The following BMPR2 variants were observed in gnomAD, a reference collection of about 807,000 sequenced individuals.
BMPR2 encodes bone morphogenetic protein receptor type-2.
A neutral mutation model predicts 100.8 loss-of-function variants in BMPR2; 29 were observed. That is an observed-to-expected ratio of 0.29 (90% CI 0.21 to 0.39). The LOEUF is 0.39. Ranked by LOEUF, BMPR2 falls within the 10% of genes least tolerant of loss-of-function variation. BMPR2 has a pLI of 1.00. For missense variants in BMPR2, 1,011 were observed against 1,274.5 expected (o/e 0.79, Z 3.15); for synonymous variants, 382 against 442.3 (o/e 0.86, Z 1.71).
intron 1 of BMPR2, among the ~76,000 whole-genome samples, chr2:202,411,634 T>C (rs1435491878): frequency 1.3e-5 from 2 of 152,178 alleles, no homozygotes; most frequent in Non-Finnish European, 2.9e-5. Context: ...TGGAGTCTAG[T>C]GTAGAAACTC....
At chr2:202,471,001 T>C (rs539866499) in intron 3 of BMPR2, among the ~76,000 whole-genome samples, 176 of 152,148 alleles carry the variant, frequency 1.2e-3, no homozygotes, top group African/African-American at 4.1e-3. Context: ...CAAGGCTGCA[T>C]TGAGCTGTGA....
intron 9 of BMPR2, among the ~76,000 whole-genome samples, chr2:202,536,091 G>A (rs1688151865): frequency 6.7e-6 from 1 of 149,704 alleles, no homozygotes; most frequent in Non-Finnish European, 1.5e-5. Context: ...AGACCGTGGG[G>A]AGAGGGAGAG....
intron 1 of BMPR2, among the ~76,000 whole-genome samples, chr2:202,459,367 C>A (rs1692181860): frequency 6.6e-6 from 1 of 152,160 alleles, no homozygotes; most frequent in South Asian, 2.1e-4. Flanking sequence ...TTCAGGGGTA[C>A]ATGTGCAGGT....
intron 3 of BMPR2, among the ~76,000 whole-genome samples, chr2:202,498,454 G>A (rs1233335228): frequency 8.6e-5 from 13 of 151,794 alleles, no homozygotes; most frequent in Non-Finnish European, 1.5e-4. Context: ...ATTGGTGAGC[G>A]CAACTATTCC....
intron 1 of BMPR2, among the ~76,000 whole-genome samples, chr2:202,421,111 C>G (rs141795669): frequency 2.2e-4 from 33 of 151,746 alleles, no homozygotes; most frequent in African/African-American, 7.7e-4. Context: ...ATTAGCCGAG[C>G]ATGGTGGCAC....
intron 9 of BMPR2, among the ~76,000 whole-genome samples, chr2:202,534,285 A>C (rs1199499): frequency 0.2 from 30,524 of 149,800 alleles, 3,090 homozygotes; most frequent in South Asian, 0.29. Flanking sequence ...TTTTATTGAT[A>C]ATTCTTGGGT....
At chr2:202,517,685 A>G (rs1242253287) in intron 5 of BMPR2, among the ~76,000 whole-genome samples, 4 of 151,764 alleles carry the variant, frequency 2.6e-5, no homozygotes, top group Admixed American at 6.6e-5. Flanking sequence ...ACTCTCTTGT[A>G]TATTCACTGG....
intron 1 of BMPR2, among the ~76,000 whole-genome samples, chr2:202,399,144 CAG>C (rs887952796): frequency 6.6e-6 from 1 of 151,664 alleles, no homozygotes; most frequent in African/African-American, 2.4e-5. Flanking sequence ...AAAAAAAAGA[CAG>C]ATCATAAATA....
At position 202,563,725 on chromosome 2, in the gene BMPR2, G is replaced by C. The variant is rs1297404167; in HGVS notation, c.*3779G>C. On this transcript the variant is annotated 3_prime_UTR_variant, in exon 13 of 13. Transcript: ENST00000374580. ...AAGTTAAGATAGCTTTGGGAACAGA[G>C]ACCTTTCCCTAAATTGATTCCATAG... 1 of 152,136 alleles carries C rather than the reference G, an allele frequency of 6.6e-6. No individual in the cohort carries two copies. Among genetic ancestry groups the C allele is most frequent in the East Asian group, 1.9e-4 (1 of 5,198 alleles). The allele number at this position is 152,136 out of a possible 1,614,324, so 9.4% of individuals were successfully genotyped here. A position where few individuals can be genotyped will look rare whatever the true frequency, so the allele number is the denominator to read the frequency against.
chr2:202,505,855 TAAC>T (rs1247024367), intron 3 of BMPR2, among the ~76,000 whole-genome samples: 17 of 152,240 alleles, frequency 1.1e-4, no homozygotes, highest in Admixed American at 1.0e-3. Flanking sequence ...ACTTATTTCC[TAAC>T]AACTGGTTGT....
intron 10 of BMPR2, among the ~76,000 whole-genome samples, chr2:202,544,540 A>G (rs933743543): frequency 2.2e-4 from 34 of 152,144 alleles, no homozygotes; most frequent in African/African-American, 7.7e-4. Flanking sequence ...TGCCATCCTG[A>G]ATCGTTTCAT....
At chr2:202,480,673 GC>G (rs1375337787) in intron 3 of BMPR2, among the ~76,000 whole-genome samples, 1 of 151,888 alleles carries the variant, frequency 6.6e-6, no homozygotes, top group African/African-American at 2.4e-5. Context: ...CAATTGACAG[GC>G]CGGGCACGGT....
intron 1 of BMPR2, among the ~76,000 whole-genome samples, chr2:202,425,845 G>A (rs974056546): frequency 1.3e-5 from 2 of 152,120 alleles, no homozygotes; most frequent in African/African-American, 4.8e-5. Flanking sequence ...TTAATACATT[G>A]AATTGCATTT....
chr2:202,507,724 A>G (rs1348874570), intron 3 of BMPR2, among the ~76,000 whole-genome samples: 3 of 139,394 alleles, frequency 2.2e-5, no homozygotes, highest in South Asian at 2.3e-4. Flanking sequence ...CCTGAGATGG[A>G]GTTTCACTCT....
intron 3 of BMPR2, among the ~76,000 whole-genome samples, chr2:202,509,378 A>G (rs1687582810): frequency 6.6e-6 from 1 of 151,992 alleles, no homozygotes; most frequent in East Asian, 1.9e-4. Flanking sequence ...TTATATTAGT[A>G]TTATATAAAT....
chr2:202,530,642 G>T (rs1688004306), intron 7 of BMPR2, 152 bp from the exon 8 acceptor site: 1 of 620,930 alleles, frequency 1.6e-6, no homozygotes. Context: ...AGAAAATAGT[G>T]ATGAGTGTGA....
chr2:202,503,537 T>C lies in BMPR2; in HGVS notation c.419-10182T>C, dbSNP rs1687452409. On this transcript the variant is annotated intron_variant, in intron 3 of 12. Transcript: ENST00000374580. The surrounding 1 kb of genome is among the most constrained non-coding windows in gnomAD (Gnocchi z 4.0). ...AGGCCAGCAGCTGCGGAGGGTGTACTGGGTCCCCCAGCAGTGCCAGCCCAC... is the reference window on the plus strand; with the variant it reads ...AGGCCAGCAGCTGCGGAGGGTGTACCGGGTCCCCCAGCAGTGCCAGCCCAC... Among the ~76,000 whole-genome samples the C allele has an allele frequency of 2.6e-5, 4 of 152,372 alleles. No homozygotes were observed. In the South Asian group the frequency reaches 8.3e-4, roughly 32 times the overall value.
chr2:202,527,629 C>CA (rs1026720593), intron 7 of BMPR2, among the ~76,000 whole-genome samples: 17 of 148,104 alleles, frequency 1.1e-4, no homozygotes, highest in Admixed American at 8.7e-4. Flanking sequence ...ACTAAAAATA[C>CA]AAAAAAAATT....
At chr2:202,407,313 A>G (rs1192112828) in intron 1 of BMPR2, among the ~76,000 whole-genome samples, 1 of 151,642 alleles carries the variant, frequency 6.6e-6, no homozygotes, top group Admixed American at 6.6e-5. Flanking sequence ...TCCTGACTTC[A>G]AACTCCTGAT....
Sources: allele counts gnomAD v4.1 joint callset (sites outside exome capture counted in the v4.1 genomes callset), GRCh38; gene constraint gnomAD v4.1.1; non-coding constraint Gnocchi (gnomAD v3.1); transcripts MANE v1.5; gene names NCBI Gene and HGNC (gene_info 2026-07-23, HGNC 2026-07-21).